Variants in MED13L observed in about 807,000 individuals in gnomAD.
MED13L encodes mediator complex subunit 13L, also known as mediator of RNA polymerase II transcription subunit 13-like.
Under a neutral mutation model 220.9 loss-of-function variants are expected in MED13L, and 7 were observed. The ratio of observed to expected loss-of-function variants is 0.03; its 90% CI spans 0.02 to 0.06. The LOEUF (loss-of-function observed/expected upper bound fraction) is 0.06. Ranked by LOEUF, MED13L falls within the 10% of genes least tolerant of loss-of-function variation. The pLI is 1.00. For missense variants in MED13L, 1,965 were observed against 2,760.5 expected, an observed-to-expected ratio of 0.71 and a Z score of 6.46; for synonymous variants, 1,011 against 1,015.2, an observed-to-expected ratio of 1.00 and a Z score of 0.08.
At chr12:116,105,313 G>A (rs775388748) in intron 3 of MED13L, among the ~76,000 whole-genome samples, 1 of 152,120 alleles carries the variant, frequency 6.6e-6, no homozygotes. Flanking sequence ...TATTAGAAAG[G>A]GAGGAAGGAT....
At chr12:116,132,391 T>C (rs1876151356) in intron 2 of MED13L, among the ~76,000 whole-genome samples, 2 of 152,060 alleles carry the variant, frequency 1.3e-5, no homozygotes, top group African/African-American at 4.8e-5. Context: ...AGAGGATTAG[T>C]TTGTCATTTT....
rs530277812 is a variant in MED13L at position 116,197,593 on chromosome 12, T to A, written c.310+39875A>T. Among the ~76,000 whole-genome samples, 58 of 151,838 alleles carry A rather than the reference T, an allele frequency of 3.8e-4. 2 individuals are homozygous for A. The South Asian group carries it at 0.012, about 30-fold the overall frequency. On this transcript the variant is annotated intron_variant, in intron 2 of 30. Transcript: ENST00000281928. ...ACCAGCCTGACCAACATGGAGAAAC[T>A]CCATCTCTACTAAAAATACAAAATT...
chr12:116,035,651 C>T (rs1410650595), intron 4 of MED13L, among the ~76,000 whole-genome samples: 3 of 151,978 alleles, frequency 2.0e-5, no homozygotes, highest in Non-Finnish European at 2.9e-5. Context: ...AATGCAGTGG[C>T]GCGATCATGA....
chr12:115,984,398 T>C, intron 19 of MED13L, 26 bp from the exon 20 acceptor site: 3 of 1,612,446 alleles, frequency 1.9e-6, no homozygotes, highest in Non-Finnish European at 2.5e-6. Flanking sequence ...AGATCATTAG[T>C]TATAACAGGA....
chr12:116,265,963 G>A (rs1056087537), intron 1 of MED13L, among the ~76,000 whole-genome samples: 3 of 152,130 alleles, frequency 2.0e-5, no homozygotes, highest in Non-Finnish European at 1.5e-5. Context: ...AGTATTATCA[G>A]ATATTATGCG....
At chr12:116,237,355 A>G in intron 2 of MED13L, 113 bp downstream of exon 2, 1 of 883,010 alleles carries the variant, frequency 1.1e-6, no homozygotes, top group Non-Finnish European at 1.8e-6. Flanking sequence ...AGAGACATCC[A>G]TGAAACACTT....
At chr12:116,208,220 C>A (rs1220908205) in intron 2 of MED13L, among the ~76,000 whole-genome samples, 1 of 152,048 alleles carries the variant, frequency 6.6e-6, no homozygotes, top group African/African-American at 2.4e-5. Context: ...CACGGTGAAA[C>A]CCGGTTTCTA....
intron 2 of MED13L, among the ~76,000 whole-genome samples, chr12:116,200,105 G>T (rs1881915553): frequency 6.7e-6 from 1 of 148,786 alleles, no homozygotes; most frequent in Admixed American, 6.7e-5. Context: ...AGGAGAAGAA[G>T]AAGGAAAAAG....
At chr12:116,188,618 C>G (rs1555221045) in intron 2 of MED13L, among the ~76,000 whole-genome samples, 1 of 152,108 alleles carries the variant, frequency 6.6e-6, no homozygotes, top group Non-Finnish European at 1.5e-5. Flanking sequence ...CTAACTCTTC[C>G]AAAACCGTAG....
rs550682627 is a variant in MED13L at position 116,143,733 on chromosome 12, C to T, written c.311-32221G>A. On this transcript the variant is annotated intron_variant, in intron 2 of 30. Coordinates refer to ENST00000281928, the MANE Select transcript of MED13L (RefSeq NM_015335.5). ...ATGTCACTATGAAAACAAACTGCAG[C>T]GCAAAGCAAGAAAGGAAGAATAATT... Among the ~76,000 whole-genome samples, 3 of 152,152 alleles carry T rather than the reference C, an allele frequency of 2.0e-5. No homozygotes were observed. The East Asian group carries it at 5.8e-4, about 29-fold the overall frequency.
chr12:116,163,261 T>A (rs546921864), intron 2 of MED13L, among the ~76,000 whole-genome samples: 2 of 152,192 alleles, frequency 1.3e-5, no homozygotes, highest in East Asian at 1.9e-4. Flanking sequence ...AATTGCACTA[T>A]CATCCTTATT....
Position 116,085,784 on chromosome 12 carries a change from ACACAC to A in MED13L, c.479+10880_479+10884del, listed in dbSNP as rs1565869977. Among the ~76,000 whole-genome samples, 5 of 147,766 alleles carry A rather than the reference ACACAC, an allele frequency of 3.4e-5. No individual in the cohort carries two copies. In the South Asian group the frequency reaches 8.8e-4, roughly 26 times the overall value. On this transcript the variant is annotated intron_variant, in intron 4 of 30. Coordinates refer to ENST00000281928, the MANE Select transcript of MED13L (RefSeq NM_015335.5). ...CACACACACACACACACACACACAC[ACACAC>A]GACATTAAGAACAGCAGAATAAACA...
intron 9 of MED13L, among the ~76,000 whole-genome samples, chr12:116,011,727 T>G (rs1879418410): frequency 1.3e-5 from 2 of 152,140 alleles, no homozygotes; most frequent in Admixed American, 6.5e-5. Context: ...AGCAACTTCT[T>G]CAAAAACATC....
intron 2 of MED13L, among the ~76,000 whole-genome samples, chr12:116,208,351 G>A (rs1027230233): frequency 1.3e-5 from 2 of 152,184 alleles, no homozygotes; most frequent in African/African-American, 4.8e-5. Flanking sequence ...AGCTGAGATC[G>A]TGCCATTGCA....
rs76712647 is a variant in MED13L at position 116,258,243 on chromosome 12, A to G, written c.72+18817T>C. On this transcript the variant is annotated intron_variant, in intron 1 of 30. Coordinates refer to ENST00000281928, the MANE Select transcript of MED13L (RefSeq NM_015335.5). Reference sequence around the variant, plus strand: ...AATCAAGAGATTCAGCTCCTGTGTGACCTTGGACAAGCTACTTAAATTTCT... The same window carrying G: ...AATCAAGAGATTCAGCTCCTGTGTGGCCTTGGACAAGCTACTTAAATTTCT... Among the ~76,000 whole-genome samples, 806 of 152,326 alleles carry G rather than the reference A, an allele frequency of 5.3e-3. 22 individuals are homozygous for G. Among genetic ancestry groups the G allele is most frequent in the Admixed American group, 0.037 (567 of 15,294 alleles).
At chr12:116,178,874 A>G (rs1880279027) in intron 2 of MED13L, among the ~76,000 whole-genome samples, 1 of 152,220 alleles carries the variant, frequency 6.6e-6, no homozygotes, top group Non-Finnish European at 1.5e-5. Flanking sequence ...ACATCTTTTT[A>G]AGCACACTCT....
At chr12:116,216,449 T>C (rs1263437796) in intron 2 of MED13L, among the ~76,000 whole-genome samples, 1 of 152,216 alleles carries the variant, frequency 6.6e-6, no homozygotes, top group Non-Finnish European at 1.5e-5. Flanking sequence ...GTAGTACATC[T>C]TGTTTCTTAT....
intron 2 of MED13L, among the ~76,000 whole-genome samples, chr12:116,134,232 A>T (rs1876326195): frequency 6.6e-6 from 1 of 152,196 alleles, no homozygotes; most frequent in Admixed American, 6.5e-5. Context: ...GCAGTAACAT[A>T]ATCTGGATGA....
At chr12:115,987,917 G>A (rs890890235) in intron 17 of MED13L, among the ~76,000 whole-genome samples, 7 of 152,146 alleles carry the variant, frequency 4.6e-5, no homozygotes, top group Admixed American at 3.9e-4. Context: ...CCTGGGGAGG[G>A]ATTTCTAACC....
Sources: gnomAD v4.1 joint callset for allele counts (sites outside exome capture counted in the v4.1 genomes callset) on GRCh38, gnomAD v4.1.1 for gene constraint, MANE v1.5 for transcripts, NCBI Gene and HGNC (gene_info 2026-07-23, HGNC 2026-07-21) for gene names.